Variants in ATP8A2 observed in about 807,000 individuals in gnomAD.
ATP8A2 encodes the protein ATPase phospholipid transporting 8A2.
ATP8A2 carries 100 observed loss-of-function variants against 165.6 expected under a neutral mutation model. The observed-to-expected ratio is 0.60, with a 90% CI of 0.51 to 0.71. The LOEUF (loss-of-function observed/expected upper bound fraction) is 0.71. Ranked by LOEUF, ATP8A2 falls within the 30% of genes least tolerant of loss-of-function variation. The pLI is 0.00. For synonymous variants in ATP8A2, 543 were observed against 548.8 expected, an observed-to-expected ratio of 0.99 and a Z score of 0.15; for missense variants, 1,227 against 1,479.5, an observed-to-expected ratio of 0.83 and a Z score of 2.80.
intron 27 of ATP8A2, among the ~76,000 whole-genome samples, chr13:25,824,307 G>A (rs1423375582): frequency 1.3e-5 from 2 of 152,094 alleles, no homozygotes; most frequent in African/African-American, 4.8e-5. Flanking sequence ...TCTCTTTAGG[G>A]TAGCTTCAGT....
intron 28 of ATP8A2, among the ~76,000 whole-genome samples, chr13:25,835,295 A>C (rs561667294): frequency 3.3e-5 from 5 of 152,194 alleles, no homozygotes; most frequent in South Asian, 2.1e-4. Flanking sequence ...TGAGTGCAAC[A>C]AGTCCCCTGT....
rs549224322 is a variant in ATP8A2, at chr13:25,705,816, C to T, written c.2384+6471C>T. ...TTCTGTGAAAACACTTTTCATTGGA[C>T]GAAGGGTTACACCTTTTACAATATG... On this transcript the variant is annotated intron_variant, in intron 25 of 36. Coordinates refer to ENST00000381655, the MANE Select transcript of ATP8A2 (RefSeq NM_016529.6). Among the ~76,000 whole-genome samples the T allele has an allele frequency of 3.9e-5, 6 of 152,234 alleles. No homozygotes were observed. The South Asian group carries it at 6.2e-4, about 16-fold the overall frequency.
intron 24 of ATP8A2, among the ~76,000 whole-genome samples, chr13:25,654,723 C>A (rs1349650795): frequency 6.6e-6 from 1 of 152,128 alleles, no homozygotes; most frequent in East Asian, 1.9e-4. Flanking sequence ...AGGTCATCTC[C>A]CTTTATTTCG....
intron 28 of ATP8A2, among the ~76,000 whole-genome samples, chr13:25,834,545 A>G (rs1210484079): frequency 6.6e-6 from 1 of 152,264 alleles, no homozygotes; most frequent in Non-Finnish European, 1.5e-5. Flanking sequence ...GCACATCCAT[A>G]CTATGAATTA....
At chr13:25,896,311 A>C (rs532109094) in intron 33 of ATP8A2, among the ~76,000 whole-genome samples, 5 of 152,186 alleles carry the variant, frequency 3.3e-5, no homozygotes, top group Admixed American at 3.3e-4. Flanking sequence ...ATTCAGGAGC[A>C]GGTTGTTCAG....
In ATP8A2 at chr13:25,953,539, A is replaced by AC. The variant is rs1231163516; in HGVS notation, c.3184-8036_3184-8035insC. 1.6e-3 allele frequency among the ~76,000 whole-genome samples: 223 copies of AC among 141,830 alleles called. 1 individual carries two copies. Among genetic ancestry groups the AC allele is most frequent in the African/African-American group, 5.1e-3 (191 of 37,608 alleles). 93.0% of individuals were successfully genotyped at this position (141,830 alleles called of 152,430 possible). A position where few individuals can be genotyped will look rare whatever the true frequency, so the allele number is the denominator to read the frequency against. ...AGCCTTTTTAAAAAAAAAAAAAAAA[A>AC]AAAAAAAGCAAGGGAAATAGGCAAG... On this transcript the variant is annotated intron_variant, in intron 33 of 36. Transcript: ENST00000381655. This position sits in a 1 kb window ranked among gnomAD's most constrained non-coding sequence, Gnocchi z 6.7.
chr13:25,512,567 C>T (rs999256211), intron 2 of ATP8A2, among the ~76,000 whole-genome samples: 1 of 150,030 alleles, frequency 6.7e-6, no homozygotes, highest in African/African-American at 2.5e-5. Context: ...GGGCTCCTCA[C>T]TTCCCAGTAG....
intron 2 of ATP8A2, among the ~76,000 whole-genome samples, chr13:25,479,097 C>T (rs1389908615): frequency 3.9e-5 from 6 of 152,158 alleles, no homozygotes; most frequent in East Asian, 1.9e-4. Flanking sequence ...CTGCCCTCCT[C>T]GGCCTCCCAA....
rs558831668 is a variant in ATP8A2 at position 25,590,497 on chromosome 13, G to A, written c.2211+798G>A. Among the ~76,000 whole-genome samples the A allele has an allele frequency of 3.3e-5, 5 of 152,232 alleles. No individual in the cohort carries two copies. In the South Asian group the frequency reaches 6.2e-4, roughly 19 times the overall value. ...AATTCTCTGATGTCCCAATGCTGCC[G>A]CATGAACCCACCCCATCATGGCATA... On this transcript the variant is annotated intron_variant, in intron 24 of 36. Coordinates refer to ENST00000381655, the MANE Select transcript of ATP8A2 (RefSeq NM_016529.6).
intron 1 of ATP8A2, among the ~76,000 whole-genome samples, chr13:25,395,029 C>T (rs1255597755): frequency 6.6e-6 from 1 of 152,216 alleles, no homozygotes; most frequent in Non-Finnish European, 1.5e-5. Context: ...AGCTCTCTAG[C>T]CTATGTACTT....
In ATP8A2 at chr13:25,574,079, A is replaced by C. The variant is rs73170579; in HGVS notation, c.1663-729A>C. Among the ~76,000 whole-genome samples the C allele has an allele frequency of 2.4e-3, 364 of 152,340 alleles. 2 individuals are homozygous for C. Among genetic ancestry groups the C allele is most frequent in the Non-Finnish European group, 4.0e-3 (274 of 68,026 alleles). On this transcript the variant is annotated intron_variant, in intron 18 of 36. Coordinates refer to ENST00000381655, the MANE Select transcript of ATP8A2 (RefSeq NM_016529.6). ...AAAGGCCATGTTCTTTCCACTGTGA[A>C]GTGTTGGGGAAATGAAAAGATTAGA...
intron 33 of ATP8A2, among the ~76,000 whole-genome samples, chr13:25,926,567 G>A (rs552298832): frequency 6.6e-6 from 1 of 152,288 alleles, no homozygotes; most frequent in South Asian, 2.1e-4. Flanking sequence ...TGTAATAGGT[G>A]TTCAATGGCT....
At chr13:25,913,983 C>A (rs1331506783) in intron 33 of ATP8A2, among the ~76,000 whole-genome samples, 1 of 152,148 alleles carries the variant, frequency 6.6e-6, no homozygotes, top group African/African-American at 2.4e-5. Flanking sequence ...GGGACACAAC[C>A]AGGTGACCTC....
At chr13:25,685,492 T>C (rs1292274902) in intron 24 of ATP8A2, among the ~76,000 whole-genome samples, 3 of 152,072 alleles carry the variant, frequency 2.0e-5, no homozygotes, top group African/African-American at 7.2e-5. Flanking sequence ...GTAAAAGATG[T>C]AGAAGACGGA....
chr13:25,960,336 A>C lies in ATP8A2; in HGVS notation c.3184-1239A>C, dbSNP rs115898155. Among the ~76,000 whole-genome samples, 271 of 152,128 alleles carry C rather than the reference A, an allele frequency of 1.8e-3. 1 individual carries two copies. The highest frequency in any genetic ancestry group is 6.1e-3 in the African/African-American group (252 of 41,502). ...GTCAGGTGAATCCTGCCCTCATTTT[A>C]CTGTATAAAGGGAGCTACTCCAGGC... On this transcript the variant is annotated intron_variant, in intron 33 of 36. Transcript: ENST00000381655.
intron 25 of ATP8A2, among the ~76,000 whole-genome samples, chr13:25,767,334 A>G (rs1011587960): frequency 6.6e-6 from 1 of 152,198 alleles, no homozygotes; most frequent in Non-Finnish European, 1.5e-5. Flanking sequence ...GGCCACATTA[A>G]AGTGAATCTG....
chr13:25,454,265 C>G (rs1228016146), intron 1 of ATP8A2, among the ~76,000 whole-genome samples: 1 of 152,210 alleles, frequency 6.6e-6, no homozygotes, highest in African/African-American at 2.4e-5. Flanking sequence ...AACCCACCAT[C>G]TAGCAGTTGC....
chr13:25,780,945 G>A (rs555613334), intron 27 of ATP8A2, among the ~76,000 whole-genome samples: 57 of 152,252 alleles, frequency 3.7e-4, no homozygotes, highest in Non-Finnish European at 7.2e-4. Flanking sequence ...CTGTACTACA[G>A]GATATGAGAA....
chr13:25,764,637 G>A (rs2044453863), intron 25 of ATP8A2, among the ~76,000 whole-genome samples: 1 of 152,186 alleles, frequency 6.6e-6, no homozygotes, highest in Non-Finnish European at 1.5e-5. Flanking sequence ...ATCCCTCTGG[G>A]TGATTCCGAT....
Sources: allele counts gnomAD v4.1 joint callset (sites outside exome capture counted in the v4.1 genomes callset), GRCh38; gene constraint gnomAD v4.1.1; non-coding constraint Gnocchi (gnomAD v3.1); transcripts MANE v1.5; gene names NCBI Gene and HGNC (gene_info 2026-07-23, HGNC 2026-07-21).